The following PRKAR1A variants were observed in gnomAD, a reference collection of about 807,000 sequenced individuals.
PRKAR1A encodes the protein protein kinase cAMP-dependent type I regulatory subunit alpha, also known as cAMP-dependent protein kinase type I-alpha regulatory subunit.
A neutral mutation model predicts 52.0 loss-of-function variants in PRKAR1A; 3 were observed. The observed-to-expected ratio is 0.06, with a 90% CI of 0.03 to 0.15. PRKAR1A has a LOEUF of 0.15. PRKAR1A is among the 10% of genes least tolerant of loss of function. PRKAR1A has a pLI of 1.00. For synonymous variants in PRKAR1A, 188 were observed against 168.4 expected (o/e 1.12, Z -0.90); for missense variants, 240 against 477.4 (o/e 0.50, Z 4.63).
chr17:68,452,888 G>A, the PRKAR1A span: 3 of 1,609,172 alleles, frequency 1.9e-6, no homozygotes, highest in Non-Finnish European at 2.5e-6. Flanking sequence ...AGATCCCTGA[G>A]GTCTCTCTCA....
chr17:68,549,991 T>A (rs1213956741), intron 11 of PRKAR1A, among the ~76,000 whole-genome samples: 1 of 152,192 alleles, frequency 6.6e-6, no homozygotes, highest in Non-Finnish European at 1.5e-5. Flanking sequence ...ACCACTTTGT[T>A]TTGTTTGGGA....
At chr17:68,434,273 G>C in the PRKAR1A span, among the ~76,000 whole-genome samples, 2 of 152,136 alleles carry the variant, frequency 1.3e-5, no homozygotes, top group African/African-American at 2.4e-5. Flanking sequence ...AATTATTTTT[G>C]GATTGTGACT....
the PRKAR1A span, chr17:68,422,432 A>G: frequency 7.3e-6 from 1 of 136,132 alleles, no homozygotes; most frequent in Non-Finnish European, 1.6e-5. Flanking sequence ...CCATCTCAAA[A>G]AAAAAAAAGT....
the PRKAR1A span, chr17:68,427,100 G>T: frequency 6.4e-7 from 1 of 1,552,324 alleles, no homozygotes; most frequent in Non-Finnish European, 8.9e-7. Context: ...GGTCACTGTT[G>T]GAGATGCTCC....
rs569992155 is a variant in PRKAR1A, at chr17:68,515,737, A to G, written c.177+161A>G. The G allele has an allele frequency of 1.1e-4, 98 of 909,922 alleles. No individual in the cohort carries two copies. The African/African-American group carries it at 1.4e-3, about 13-fold the overall frequency. 56.4% of individuals were successfully genotyped at this position (909,922 alleles called of 1,614,324 possible). ...AAATACAGTTAAGGCATTTGTAGTA[A>G]TTTAAAAATTCTTAATTAGTAGAAT... On this transcript the variant is annotated intron_variant, in intron 2 of 10. Coordinates refer to ENST00000589228, the MANE Select transcript of PRKAR1A (RefSeq NM_002734.5).
chr17:68,418,287 A>T, the PRKAR1A span, among the ~76,000 whole-genome samples: 2 of 152,228 alleles, frequency 1.3e-5, no homozygotes, highest in Non-Finnish European at 2.9e-5. Context: ...ACACTTTGTT[A>T]GGACGAGTCT....
At position 68,528,962 on chromosome 17, in the gene PRKAR1A, C is replaced by T; in HGVS notation, c.862C>T (p.Pro288Ser). 2 of 1,613,764 alleles carry T rather than the reference C, an allele frequency of 1.2e-6. No homozygotes were observed. The highest frequency in any genetic ancestry group is 1.7e-6 in the Non-Finnish European group (2 of 1,179,860). The change falls in exon 9 of 11, where the codon CCA (proline) becomes TCA (serine). Residue 288 changes from proline to serine, a missense_variant. By Grantham distance (74) the Pro-to-Ser change is moderately conservative. This residue lies in a region of PRKAR1A where 107 missense variants were observed against 290.9 expected (regional missense o/e 0.37). Coordinates refer to ENST00000589228, the MANE Select transcript of PRKAR1A (RefSeq NM_002734.5). ...GCAGAAGATTGTGGTGCAGGGAGAA[C>T]CAGGGGATGAGTTCTTCATTATTTT... Reference protein sequence around the residue: ...DGQKIVVQGEPGDEFFIILEG... With the variant: ...DGQKIVVQGESGDEFFIILEG...
intron 11 of PRKAR1A, among the ~76,000 whole-genome samples, chr17:68,538,487 A>G (rs899273255): frequency 7.9e-5 from 12 of 152,274 alleles, no homozygotes; most frequent in Non-Finnish European, 1.5e-4. Flanking sequence ...TTAGCTCTGC[A>G]TACTGCAGCT....
chr17:68,477,895 G>C, the PRKAR1A span, among the ~76,000 whole-genome samples: 10 of 151,964 alleles, frequency 6.6e-5, no homozygotes. Context: ...GCTAATTTCT[G>C]TATTTTTAGG....
At chr17:68,442,255 G>T in the PRKAR1A span, among the ~76,000 whole-genome samples, 1 of 152,120 alleles carries the variant, frequency 6.6e-6, no homozygotes. Flanking sequence ...CTTGAGGACA[G>T]GAGTTCAAGA....
chr17:68,533,315 AT>A lies in PRKAR1A; in HGVS notation c.*2868del. ...GAGATATGTTGTATGTTAGAAGAGC[AT>A]TCTTTAAATTGTGTTGCTTTGAACA... On this transcript the variant is annotated 3_prime_UTR_variant, in exon 11 of 11. Transcript: ENST00000589228. The A allele has an allele frequency of 9.4e-7, 1 of 1,063,640 alleles. No individual in the cohort carries two copies. Among genetic ancestry groups the A allele is most frequent in the Non-Finnish European group, 1.1e-6 (1 of 878,114 alleles). The allele number at this position is 1,063,640 out of a possible 1,614,324, so 65.9% of individuals were successfully genotyped here. A position where few individuals can be genotyped will look rare whatever the true frequency, so the allele number is the denominator to read the frequency against.
the PRKAR1A span, among the ~76,000 whole-genome samples, chr17:68,465,325 G>A: frequency 6.6e-6 from 1 of 152,144 alleles, no homozygotes; most frequent in Non-Finnish European, 1.5e-5. Flanking sequence ...GGGATCTCTT[G>A]GCTTGATGAG....
the PRKAR1A span, among the ~76,000 whole-genome samples, chr17:68,430,625 G>C: frequency 6.6e-6 from 1 of 152,172 alleles, no homozygotes; most frequent in African/African-American, 2.4e-5. Context: ...ACTTTGGGTG[G>C]TGTTTGATTG....
chr17:68,426,355 C>G, the PRKAR1A span, among the ~76,000 whole-genome samples: 2 of 152,066 alleles, frequency 1.3e-5, no homozygotes, highest in Non-Finnish European at 2.9e-5. Context: ...CATCTTTAAG[C>G]CTGACCTGCC....
chr17:68,543,780 A>C, intron 11 of PRKAR1A: 2 of 1,408,366 alleles, frequency 1.4e-6, no homozygotes, highest in Non-Finnish European at 2.0e-6. Context: ...GCCTGAGAAG[A>C]GAGCTGATGA....
At chr17:68,545,064 T>G (rs1217269038) in intron 11 of PRKAR1A, among the ~76,000 whole-genome samples, 1 of 152,250 alleles carries the variant, frequency 6.6e-6, no homozygotes, top group African/African-American at 2.4e-5. Context: ...TTCTACATTC[T>G]CTCTTTAATC....
At chr17:68,457,036 C>T in the PRKAR1A span, among the ~76,000 whole-genome samples, 3 of 152,220 alleles carry the variant, frequency 2.0e-5, no homozygotes, top group Non-Finnish European at 4.4e-5. Flanking sequence ...GCTTTCCCAC[C>T]GCCCTGCTCC....
At chr17:68,539,630 G>A (rs762332400) in intron 11 of PRKAR1A, among the ~76,000 whole-genome samples, 5 of 152,244 alleles carry the variant, frequency 3.3e-5, no homozygotes, top group Non-Finnish European at 5.9e-5. Flanking sequence ...CAGCCACTGA[G>A]GATGCACCTT....
At chr17:68,545,149 A>T (rs553504788) in intron 11 of PRKAR1A, among the ~76,000 whole-genome samples, 15 of 152,370 alleles carry the variant, frequency 9.8e-5, no homozygotes, top group Non-Finnish European at 1.9e-4. Flanking sequence ...GATACATTTT[A>T]AAATGATAGT....
Sources: allele counts gnomAD v4.1 joint callset (sites outside exome capture counted in the v4.1 genomes callset), GRCh38; gene constraint gnomAD v4.1.1; regional missense constraint gnomAD v4.1.1; transcripts MANE v1.5; gene names NCBI Gene and HGNC (gene_info 2026-07-23, HGNC 2026-07-21).